The following GNG12 variants were observed in gnomAD, a reference collection of about 807,000 sequenced individuals.
The protein encoded by GNG12 is guanine nucleotide-binding protein G(I)/G(S)/G(O) subunit gamma-12.
For missense variants in GNG12, 69 were observed against 83.8 expected (o/e 0.82, Z 0.69); for synonymous variants, 28 against 29.7 (o/e 0.94, Z 0.19).
intron 1 of GNG12, among the ~76,000 whole-genome samples, chr1:67,814,848 C>T (rs539464630): frequency 9.2e-5 from 14 of 152,322 alleles, no homozygotes; most frequent in African/African-American, 3.4e-4. Context: ...TACTGAAGCT[C>T]TCTTGAGTTG....
intron 1 of GNG12, among the ~76,000 whole-genome samples, chr1:67,801,343 T>A (rs906598434): frequency 5.9e-5 from 9 of 152,216 alleles, no homozygotes; most frequent in African/African-American, 2.2e-4. Flanking sequence ...AATGAATATA[T>A]GAATGAGGCT....
At chr1:67,811,490 G>A (rs1185206604) in intron 1 of GNG12, among the ~76,000 whole-genome samples, 1 of 152,260 alleles carries the variant, frequency 6.6e-6, no homozygotes, top group South Asian at 2.1e-4. Flanking sequence ...GTTTCCAGGG[G>A]CATCCACAAC....
intron 1 of GNG12, among the ~76,000 whole-genome samples, chr1:67,797,879 A>G (rs1035819711): frequency 1.3e-5 from 2 of 152,132 alleles, no homozygotes; most frequent in African/African-American, 4.8e-5. Flanking sequence ...TTTCTACTGT[A>G]AACAGGGCTG....
intron 1 of GNG12, among the ~76,000 whole-genome samples, chr1:67,805,193 G>A (rs904262046): frequency 6.6e-6 from 1 of 152,140 alleles, no homozygotes; most frequent in African/African-American, 2.4e-5. Flanking sequence ...TAACCACAGA[G>A]GTACAGAACA....
At chr1:67,810,423 G>A (rs972380432) in intron 1 of GNG12, among the ~76,000 whole-genome samples, 1 of 152,186 alleles carries the variant, frequency 6.6e-6, no homozygotes, top group Non-Finnish European at 1.5e-5. Flanking sequence ...TGATAATGAT[G>A]TGTCAACTTA....
At chr1:67,778,398 C>T (rs1646718701) in intron 1 of GNG12, among the ~76,000 whole-genome samples, 1 of 152,156 alleles carries the variant, frequency 6.6e-6, no homozygotes, top group Non-Finnish European at 1.5e-5. Flanking sequence ...GGAACCTATT[C>T]TTGGCCTTCA....
At chr1:67,713,361 C>T (rs929833157) in intron 2 of GNG12, among the ~76,000 whole-genome samples, 17 of 152,184 alleles carry the variant, frequency 1.1e-4, no homozygotes, top group Non-Finnish European at 2.4e-4. Context: ...TCAAATACTT[C>T]GCATTGGTTT....
At chr1:67,823,176 A>G (rs1646993594) in intron 1 of GNG12, among the ~76,000 whole-genome samples, 1 of 152,234 alleles carries the variant, frequency 6.6e-6, no homozygotes, top group Non-Finnish European at 1.5e-5. Context: ...TGCAAGTGGA[A>G]AATTCTAGGC....
chr1:67,787,193 C>T (rs985597941), intron 1 of GNG12, among the ~76,000 whole-genome samples: 3 of 151,828 alleles, frequency 2.0e-5, no homozygotes, highest in Non-Finnish European at 4.4e-5. Flanking sequence ...ACAGGGGACA[C>T]TTATGCCAGT....
chr1:67,789,575 T>C (rs1055604720), intron 1 of GNG12, among the ~76,000 whole-genome samples: 9 of 152,212 alleles, frequency 5.9e-5, no homozygotes, highest in Non-Finnish European at 7.3e-5. Flanking sequence ...CCATGAGGCT[T>C]AGTTCTCTAA....
In GNG12 at chr1:67,833,378, G is replaced by A. The variant is rs1475278711; in HGVS notation, c.-111C>T. 1 of 985,528 alleles carries A rather than the reference G, an allele frequency of 1.0e-6. No homozygotes were observed. Among genetic ancestry groups the A allele is most frequent in the Non-Finnish European group, 1.2e-6 (1 of 830,090 alleles). 61.0% of individuals were successfully genotyped at this position (985,528 alleles called of 1,614,324 possible). ...GGTGCGCTGCCCCGCCGTCGCCGCC[G>A]GGACTCGGTCTCTAAGGGCTCCTGG... is the stretch of plus-strand genomic sequence containing the variant. On this transcript the variant is annotated 5_prime_UTR_variant, in exon 1 of 4. Transcript: ENST00000370982.
chr1:67,787,576 G>C (rs541738734), intron 1 of GNG12, among the ~76,000 whole-genome samples: 4 of 152,240 alleles, frequency 2.6e-5, no homozygotes, highest in East Asian at 1.9e-4. Context: ...GCACTGACAG[G>C]GGGGACAGCC....
intron 1 of GNG12, among the ~76,000 whole-genome samples, chr1:67,798,878 C>T (rs1018013697): frequency 5.3e-5 from 8 of 152,040 alleles, no homozygotes; most frequent in East Asian, 3.9e-4. Flanking sequence ...CGCTTGAACC[C>T]GGGAGGTGGA....
In GNG12 at chr1:67,780,283, A is replaced by G. The variant is rs569607301; in HGVS notation, c.-76-2776T>C. 1.2e-4 allele frequency among the ~76,000 whole-genome samples: 18 copies of G among 152,296 alleles called. 1 individual carries two copies. Among genetic ancestry groups the G allele is most frequent in the African/African-American group, 3.8e-4 (16 of 41,572 alleles). ...GGTTAAGCCAGTAGTCTAAGGTTAC[A>G]TGGCTTGTAAGTGGCAGAGTCAAAT... is the stretch of plus-strand genomic sequence containing the variant. On this transcript the variant is annotated intron_variant, in intron 1 of 3. Transcript: ENST00000370982.
At chr1:67,824,862 G>T (rs1301843183) in intron 1 of GNG12, among the ~76,000 whole-genome samples, 2 of 152,108 alleles carry the variant, frequency 1.3e-5, no homozygotes, top group South Asian at 2.1e-4. Flanking sequence ...GGTAATTTCT[G>T]CCCTGTGTTA....
chr1:67,761,544 G>A (rs930470372), intron 2 of GNG12, among the ~76,000 whole-genome samples: 7 of 152,268 alleles, frequency 4.6e-5, no homozygotes, highest in Non-Finnish European at 8.8e-5. Context: ...GAAACAGGGG[G>A]CATCTTGTTC....
chr1:67,803,940 C>T (rs11209154), intron 1 of GNG12, among the ~76,000 whole-genome samples: 49,630 of 151,998 alleles, frequency 0.33, 8,344 homozygotes, highest in Middle Eastern at 0.5. Flanking sequence ...GCAAAAAACA[C>T]GCAACTGGAG....
At chr1:67,787,576 G>T (rs541738734) in intron 1 of GNG12, among the ~76,000 whole-genome samples, 23 of 152,240 alleles carry the variant, frequency 1.5e-4, no homozygotes, top group African/African-American at 5.5e-4. Context: ...GCACTGACAG[G>T]GGGGACAGCC....
intron 2 of GNG12, among the ~76,000 whole-genome samples, chr1:67,774,812 A>G (rs1171920223): frequency 1.3e-5 from 2 of 152,192 alleles, no homozygotes; most frequent in East Asian, 1.9e-4. Context: ...TCTTTCAAGG[A>G]CAGGTACATT....
Sources: gnomAD v4.1 joint callset for allele counts (sites outside exome capture counted in the v4.1 genomes callset) on GRCh38, gnomAD v4.1.1 for gene constraint, MANE v1.5 for transcripts, NCBI Gene and HGNC (gene_info 2026-07-23, HGNC 2026-07-21) for gene names.